FNDC3A: variants seen among roughly 807,000 people sequenced by gnomAD.
FNDC3A encodes the protein fibronectin type-III domain-containing protein 3A.
A neutral mutation model predicts 148.9 loss-of-function variants in FNDC3A; 32 were observed. The observed-to-expected ratio is 0.21, with a 90% CI of 0.16 to 0.29. The LOEUF (loss-of-function observed/expected upper bound fraction) is 0.29, where lower values mean the gene tolerates loss of function less well. FNDC3A is among the 10% of genes least tolerant of loss of function. The pLI, the probability that FNDC3A is intolerant of heterozygous loss-of-function variation, is 1.00. For missense variants in FNDC3A, 1,191 were observed against 1,452.8 expected, an observed-to-expected ratio of 0.82 and a Z score of 2.93; for synonymous variants, 472 against 473.6, an observed-to-expected ratio of 1.00 and a Z score of 0.04.
intron 4 of FNDC3A, among the ~76,000 whole-genome samples, chr13:49,116,843 C>T (rs926831656): frequency 5.3e-5 from 8 of 151,056 alleles, no homozygotes; most frequent in African/African-American, 7.3e-5. Flanking sequence ...CAAGAGTGGT[C>T]GGAAGAGGCC....
intron 8 of FNDC3A, among the ~76,000 whole-genome samples, chr13:49,160,667 G>C (rs1000574420): frequency 1.3e-5 from 2 of 151,708 alleles, no homozygotes; most frequent in African/African-American, 4.9e-5. Flanking sequence ...GCTAGCTTTT[G>C]AATGTGTTTG....
chr13:48,993,384 A>G (rs1951956166), intron 1 of FNDC3A, among the ~76,000 whole-genome samples: 1 of 152,198 alleles, frequency 6.6e-6, no homozygotes, highest in Non-Finnish European at 1.5e-5. Context: ...ATCTGTTTTA[A>G]TAATCCCTGC....
intron 1 of FNDC3A, among the ~76,000 whole-genome samples, chr13:48,979,648 T>C (rs1018993543): frequency 1.3e-5 from 2 of 152,156 alleles, no homozygotes; most frequent in Admixed American, 6.5e-5. Context: ...GAAAGAACTA[T>C]ACCTCAGCTT....
At chr13:48,982,598 A>G (rs886836334) in intron 1 of FNDC3A, among the ~76,000 whole-genome samples, 4 of 152,232 alleles carry the variant, frequency 2.6e-5, no homozygotes, top group African/African-American at 9.6e-5. Flanking sequence ...GATATTTAAA[A>G]AACATGAATT....
chr13:49,107,008 A>T lies in FNDC3A; in HGVS notation c.176-7647A>T, dbSNP rs76354159. ...AAAGGTAAGAATAAACTCAAAATTCAGGATAATGGAGACATGAGTGGCACA... is the reference window on the plus strand; with the variant it reads ...AAAGGTAAGAATAAACTCAAAATTCTGGATAATGGAGACATGAGTGGCACA... On this transcript the variant is annotated intron_variant, in intron 3 of 25. Transcript: ENST00000492622. 4.4e-4 allele frequency among the ~76,000 whole-genome samples: 67 copies of T among 152,316 alleles called. 1 individual carries two copies. In the East Asian group the frequency reaches 0.013, roughly 29 times the overall value.
chr13:49,186,693 C>A (rs1177982971), intron 15 of FNDC3A, among the ~76,000 whole-genome samples: 1 of 151,996 alleles, frequency 6.6e-6, no homozygotes, highest in Admixed American at 6.6e-5. Flanking sequence ...CATGGTGAAA[C>A]CCCGTCTCTA....
At chr13:49,186,731 G>A (rs1885592585) in intron 15 of FNDC3A, among the ~76,000 whole-genome samples, 2 of 152,182 alleles carry the variant, frequency 1.3e-5, no homozygotes, top group African/African-American at 4.8e-5. Context: ...AGCTGGGCAT[G>A]GTGGCACATG....
At chr13:49,073,166 T>C (rs140153365) in intron 2 of FNDC3A, among the ~76,000 whole-genome samples, 70 of 151,856 alleles carry the variant, frequency 4.6e-4, no homozygotes, top group African/African-American at 1.6e-3. Context: ...ATAAATAACA[T>C]TGGCTACAGG....
At chr13:49,157,656 C>T (rs1320710746) in intron 8 of FNDC3A, among the ~76,000 whole-genome samples, 7 of 148,688 alleles carry the variant, frequency 4.7e-5, no homozygotes, top group African/African-American at 1.5e-4. Context: ...GTGGTTTTAT[C>T]TACTTTTGGT....
chr13:49,043,820 A>G (rs1482928442), intron 2 of FNDC3A, among the ~76,000 whole-genome samples: 1 of 152,198 alleles, frequency 6.6e-6, no homozygotes, highest in Non-Finnish European at 1.5e-5. Context: ...CATACTTCAT[A>G]TACATTGACC....
intron 3 of FNDC3A, among the ~76,000 whole-genome samples, chr13:49,103,255 T>G (rs567151799): frequency 6.6e-6 from 1 of 152,244 alleles, no homozygotes; most frequent in Non-Finnish European, 1.5e-5. Context: ...TGCTGCCTTA[T>G]GTTTAAGCTA....
chr13:49,070,309 T>TA (rs1877564877), intron 2 of FNDC3A, among the ~76,000 whole-genome samples: 2 of 152,052 alleles, frequency 1.3e-5, no homozygotes, highest in Admixed American at 6.6e-5. Context: ...TAAGTAGTGT[T>TA]AAAATTTTTT....
At chr13:49,001,108 G>A (rs543868327) in intron 1 of FNDC3A, among the ~76,000 whole-genome samples, 1 of 152,286 alleles carries the variant, frequency 6.6e-6, no homozygotes, top group African/African-American at 2.4e-5. Flanking sequence ...GGAGGGATCA[G>A]CTGAAGCCAT....
intron 2 of FNDC3A, among the ~76,000 whole-genome samples, chr13:49,051,898 A>G (rs927174533): frequency 2.0e-5 from 3 of 151,762 alleles, no homozygotes; most frequent in African/African-American, 7.3e-5. Context: ...TCTTTGATGG[A>G]TTGGGTTAAT....
intron 4 of FNDC3A, among the ~76,000 whole-genome samples, chr13:49,116,477 A>G (rs1290416600): frequency 6.6e-6 from 1 of 152,206 alleles, no homozygotes; most frequent in African/African-American, 2.4e-5. Flanking sequence ...TCTTCTGGGA[A>G]GAGGCAAATA....
At chr13:49,195,951 G>A (rs369749659) in intron 19 of FNDC3A, among the ~76,000 whole-genome samples, 18 of 152,042 alleles carry the variant, frequency 1.2e-4, no homozygotes, top group Middle Eastern at 6.8e-3. Flanking sequence ...GTGCACACCC[G>A]TAGTCCCAGC....
At chr13:48,991,279 G>A (rs908938716) in intron 1 of FNDC3A, among the ~76,000 whole-genome samples, 3 of 152,146 alleles carry the variant, frequency 2.0e-5, no homozygotes, top group African/African-American at 4.8e-5. Flanking sequence ...AAATCAGTAA[G>A]TTAAACCAGA....
At chr13:49,186,687 G>A (rs1885589238) in intron 15 of FNDC3A, among the ~76,000 whole-genome samples, 1 of 152,116 alleles carries the variant, frequency 6.6e-6, no homozygotes, top group Non-Finnish European at 1.5e-5. Flanking sequence ...GGCCAACATG[G>A]TGAAACCCCG....
Position 49,170,575 on chromosome 13 carries a change from C to T in FNDC3A, c.1177-1468C>T, listed in dbSNP as rs563878198. ...CCAAGGCAGACTATCTACTTCTCAG[C>T]CCCTAGAATAGTGCTGGGTAGGAAC... On this transcript the variant is annotated intron_variant, in intron 10 of 25. Transcript: ENST00000492622. Among the ~76,000 whole-genome samples the T allele has an allele frequency of 7.2e-5, 11 of 152,244 alleles. 1 individual carries two copies. In the South Asian group the frequency reaches 2.3e-3, roughly 32 times the overall value.
Sources: gnomAD v4.1 joint callset for allele counts (sites outside exome capture counted in the v4.1 genomes callset) on GRCh38, gnomAD v4.1.1 for gene constraint, MANE v1.5 for transcripts, NCBI Gene and HGNC (gene_info 2026-07-23, HGNC 2026-07-21) for gene names.